The following DLG2 variants were observed in gnomAD, a reference collection of about 807,000 sequenced individuals.
DLG2 encodes disks large homolog 2.
Under a neutral mutation model 132.5 loss-of-function variants are expected in DLG2, and 45 were observed. The observed-to-expected ratio is 0.34, with a 90% CI of 0.27 to 0.44. DLG2 has a LOEUF of 0.44. Among genes scored for constraint, DLG2 ranks in the 20% least tolerant of loss-of-function variants. The probability of loss-of-function intolerance (pLI) is 1.00; values close to 1 mark genes in which losing one functional copy is unlikely to be tolerated. For missense variants in DLG2, 1,045 were observed against 1,196.9 expected, an observed-to-expected ratio of 0.87 and a Z score of 1.87; for synonymous variants, 424 against 419.6, an observed-to-expected ratio of 1.01 and a Z score of -0.13.
intron 16 of DLG2, among the ~76,000 whole-genome samples, chr11:83,870,788 C>A (rs906488938): frequency 6.6e-6 from 1 of 152,198 alleles, no homozygotes; most frequent in Non-Finnish European, 1.5e-5. Flanking sequence ...ACTACCCTAA[C>A]GTCTCTGAGT....
chr11:84,021,634 C>T (rs554541796), intron 11 of DLG2, among the ~76,000 whole-genome samples: 19 of 152,190 alleles, frequency 1.2e-4, no homozygotes, highest in Middle Eastern at 3.4e-3. Flanking sequence ...AAATCACTGC[C>T]GTCTAGATAC....
At chr11:85,535,200 T>C (rs1448545540) in intron 3 of DLG2, among the ~76,000 whole-genome samples, 1 of 152,162 alleles carries the variant, frequency 6.6e-6, no homozygotes, top group Non-Finnish European at 1.5e-5. Context: ...GTAAGGAATT[T>C]TGTTTGTTTT....
chr11:85,015,038 C>T (rs1439682345), intron 6 of DLG2, among the ~76,000 whole-genome samples: 2 of 152,132 alleles, frequency 1.3e-5, no homozygotes, highest in Admixed American at 1.3e-4. Flanking sequence ...TAAGCCTCCC[C>T]TCTTGACTCA....
intron 6 of DLG2, among the ~76,000 whole-genome samples, chr11:84,595,200 G>C (rs1264021544): frequency 6.6e-6 from 1 of 152,048 alleles, no homozygotes; most frequent in Admixed American, 6.6e-5. Context: ...CACCTCCCAG[G>C]CTCAAGCGAT....
chr11:84,017,261 CATA>C (rs1337418719), intron 11 of DLG2, among the ~76,000 whole-genome samples: 1 of 151,906 alleles, frequency 6.6e-6, no homozygotes, highest in African/African-American at 2.4e-5. Flanking sequence ...TAATGCATTA[CATA>C]ATAAAGTATA....
chr11:83,677,972 A>G (rs1322820595), intron 18 of DLG2, among the ~76,000 whole-genome samples: 3 of 152,180 alleles, frequency 2.0e-5, no homozygotes, highest in Non-Finnish European at 4.4e-5. Context: ...GCAGCTTTCT[A>G]TTAGTCCTCA....
intron 17 of DLG2, among the ~76,000 whole-genome samples, chr11:83,794,081 G>T (rs985441019): frequency 6.6e-6 from 1 of 152,206 alleles, no homozygotes; most frequent in South Asian, 2.1e-4. Flanking sequence ...TTTAGCAGAT[G>T]TGCTCTAATA....
chr11:84,714,800 A>AC (rs2061018518), intron 6 of DLG2, among the ~76,000 whole-genome samples: 1 of 151,768 alleles, frequency 6.6e-6, no homozygotes, highest in African/African-American at 2.4e-5. Context: ...AAGAAATAAC[A>AC]CTGGTAAAAC....
Position 85,426,570 on chromosome 11 carries a change from A to T in DLG2, c.41-141205T>A, listed in dbSNP as rs547577344. ...AACAGACCTGCAGCTGAGGGTCCTG[A>T]TTGTTAGAAGGAAAACTAACAAACA... On this transcript the variant is annotated intron_variant, in intron 3 of 27. Transcript: ENST00000376104. Among the ~76,000 whole-genome samples, 320 of 152,250 alleles carry T rather than the reference A, an allele frequency of 2.1e-3. 1 individual carries two copies. The highest frequency in any genetic ancestry group is 1.9e-3 in the Non-Finnish European group (128 of 68,020).
At chr11:85,287,844 G>C (rs2078655841) in intron 3 of DLG2, among the ~76,000 whole-genome samples, 2 of 151,954 alleles carry the variant, frequency 1.3e-5, no homozygotes, top group Non-Finnish European at 2.9e-5. Flanking sequence ...ATATATCTTA[G>C]AAAAATAACG....
chr11:83,543,072 G>T (rs1481839428), intron 19 of DLG2, among the ~76,000 whole-genome samples: 1 of 152,152 alleles, frequency 6.6e-6, no homozygotes, highest in Non-Finnish European at 1.5e-5. Context: ...AAGAGCTGAA[G>T]ACAGCATCTA....
At chr11:84,211,818 T>A (rs1450334587) in intron 8 of DLG2, among the ~76,000 whole-genome samples, 2 of 152,204 alleles carry the variant, frequency 1.3e-5, no homozygotes, top group Non-Finnish European at 1.5e-5. Flanking sequence ...AAATAATGGC[T>A]GATTATATTC....
At chr11:84,911,907 G>A (rs1033362943) in intron 6 of DLG2, among the ~76,000 whole-genome samples, 1 of 152,064 alleles carries the variant, frequency 6.6e-6, no homozygotes, top group Non-Finnish European at 1.5e-5. Context: ...TCTTGGCTGG[G>A]AGATATATAA....
chr11:85,430,925 T>G (rs1335835036), intron 3 of DLG2, among the ~76,000 whole-genome samples: 2 of 150,348 alleles, frequency 1.3e-5, no homozygotes, highest in African/African-American at 2.4e-5. Flanking sequence ...TGAGCCAAGA[T>G]TACACCACTG....
intron 3 of DLG2, among the ~76,000 whole-genome samples, chr11:85,368,836 C>A (rs565637529): frequency 6.6e-6 from 1 of 152,206 alleles, no homozygotes; most frequent in Admixed American, 6.5e-5. Flanking sequence ...GCGGTGGAAC[C>A]GCAGGAAGTT....
chr11:84,458,891 G>A (rs954529212), intron 7 of DLG2, among the ~76,000 whole-genome samples: 5 of 150,646 alleles, frequency 3.3e-5, no homozygotes, highest in African/African-American at 4.8e-5. Flanking sequence ...AGCAGTACAC[G>A]AAATTCTTTA....
At chr11:84,503,624 C>A (rs1226073042) in intron 7 of DLG2, among the ~76,000 whole-genome samples, 2 of 152,182 alleles carry the variant, frequency 1.3e-5, no homozygotes, top group Non-Finnish European at 2.9e-5. Flanking sequence ...TCCAACAAGG[C>A]AATCTGTTCT....
At chr11:84,631,018 T>TCTCACACA (rs1217703556) in intron 6 of DLG2, among the ~76,000 whole-genome samples, 1 of 94,262 alleles carries the variant, frequency 1.1e-5, no homozygotes, top group African/African-American at 4.6e-5. Flanking sequence ...TCTCTCTCTC[T>TCTCACACA]CACACACACA....
intron 6 of DLG2, among the ~76,000 whole-genome samples, chr11:85,041,746 T>G (rs1410568725): frequency 6.6e-6 from 1 of 151,856 alleles, no homozygotes; most frequent in Non-Finnish European, 1.5e-5. Flanking sequence ...CATTTAGAGA[T>G]AAACTGAGTA....
Sources: allele counts gnomAD v4.1 joint callset (sites outside exome capture counted in the v4.1 genomes callset), GRCh38; gene constraint gnomAD v4.1.1; transcripts MANE v1.5; gene names NCBI Gene and HGNC (gene_info 2026-07-23, HGNC 2026-07-21).